GALNTL5: variants seen among roughly 807,000 people sequenced by gnomAD.
The protein encoded by GALNTL5 is polypeptide N-acetylgalactosaminyltransferase like 5.
GALNTL5 carries 44 observed loss-of-function variants against 51.0 expected under a neutral mutation model. That is an observed-to-expected ratio of 0.86 (90% CI 0.68 to 1.11). The LOEUF (loss-of-function observed/expected upper bound fraction) is 1.11, where lower values mean the gene tolerates loss of function less well. Among genes scored for constraint, GALNTL5 ranks in the 50% least tolerant of loss-of-function variants. The pLI is 0.00. For missense variants in GALNTL5, 528 were observed against 531.8 expected (o/e 0.99, Z 0.07); for synonymous variants, 192 against 182.8 (o/e 1.05, Z -0.41).
chr7:151,987,317 C>T (rs758293910), intron 5 of GALNTL5, 36 bp downstream of exon 5: 17 of 1,525,330 alleles, frequency 1.1e-5, no homozygotes, highest in East Asian at 4.8e-5. Flanking sequence ...CCAGTGACGG[C>T]GTCACAGAGA....
chr7:151,993,029 G>A (rs1259166995), intron 5 of GALNTL5, among the ~76,000 whole-genome samples: 1 of 152,054 alleles, frequency 6.6e-6, no homozygotes, highest in African/African-American at 2.4e-5. Flanking sequence ...CCTGAGGTCG[G>A]GAGTTCGAGA....
chr7:151,978,892 T>A (rs1262685741), intron 3 of GALNTL5, among the ~76,000 whole-genome samples: 1 of 152,146 alleles, frequency 6.6e-6, no homozygotes, highest in Non-Finnish European at 1.5e-5. Context: ...ACTAATTATC[T>A]CTACAACAGC....
chr7:151,969,821 T>C (rs1329853018), intron 2 of GALNTL5, among the ~76,000 whole-genome samples: 7 of 152,220 alleles, frequency 4.6e-5, no homozygotes, highest in African/African-American at 1.7e-4. Context: ...TTTGTTTTGC[T>C]TTTGAGATGG....
intron 5 of GALNTL5, among the ~76,000 whole-genome samples, chr7:151,988,369 C>A (rs1265219416): frequency 6.6e-6 from 1 of 152,172 alleles, no homozygotes; most frequent in Non-Finnish European, 1.5e-5. Context: ...GTTGGCAGAA[C>A]GCTGAGCTGG....
chr7:151,957,532 G>A (rs1429194671), intron 1 of GALNTL5, among the ~76,000 whole-genome samples: 8 of 146,602 alleles, frequency 5.5e-5, no homozygotes, highest in African/African-American at 2.0e-4. Context: ...CTGGGCAGCA[G>A]AGCGAGACCC....
At chr7:152,008,698 T>C (rs2081685916) in intron 7 of GALNTL5, among the ~76,000 whole-genome samples, 1 of 152,016 alleles carries the variant, frequency 6.6e-6, no homozygotes, top group South Asian at 2.1e-4. Context: ...AGCCTCTATC[T>C]GATGGTCCCT....
At chr7:151,969,845 C>A (rs894254023) in intron 2 of GALNTL5, among the ~76,000 whole-genome samples, 1 of 152,276 alleles carries the variant, frequency 6.6e-6, no homozygotes, top group Non-Finnish European at 1.5e-5. Flanking sequence ...CTCGCTCTGT[C>A]GCCCAGGCTG....
intron 8 of GALNTL5, 30 bp downstream of exon 8, chr7:152,014,823 G>A (rs1013618067): frequency 4.4e-6 from 7 of 1,581,762 alleles, no homozygotes; most frequent in African/African-American, 2.7e-5. Flanking sequence ...CTTGGAAAAT[G>A]TATGCGAGGC....
intron 4 of GALNTL5, among the ~76,000 whole-genome samples, chr7:151,983,488 C>T (rs981073885): frequency 6.6e-6 from 1 of 152,142 alleles, no homozygotes; most frequent in African/African-American, 2.4e-5. Flanking sequence ...ATCTAATCTA[C>T]TCTGAAGGTA....
chr7:151,971,056 G>C lies in GALNTL5; in HGVS notation c.359G>C (p.Arg120Thr). The change falls in exon 3 of 9, where the codon AGG becomes ACG. Residue 120 changes from arginine (R) to threonine (T), a missense_variant. Transcript: ENST00000392800. ...ATCGAAAGAGAAGTGCCAGATACCA[G>C]GAGTAAAATGTATGTTGTCTCTCTC... The part of the protein sequence containing the change: ...LGIEREVPDT[R>T]SKMCLQKHYP... The C allele has an allele frequency of 6.2e-7, 1 of 1,608,534 alleles. No individual in the cohort carries two copies. The highest frequency in any genetic ancestry group is 8.5e-7 in the Non-Finnish European group (1 of 1,175,826).
chr7:151,979,106 CTTT>C (rs397888897), intron 3 of GALNTL5, among the ~76,000 whole-genome samples: 1 of 71,160 alleles, frequency 1.4e-5, no homozygotes. Flanking sequence ...TACTTTTACT[CTTT>C]TTTTTTTTTT....
intron 1 of GALNTL5, among the ~76,000 whole-genome samples, chr7:151,959,741 T>A (rs2080969438): frequency 6.6e-6 from 1 of 152,148 alleles, no homozygotes. Flanking sequence ...ACAGGCTAAG[T>A]TGTAATGTGA....
At chr7:152,011,290 G>A (rs566425029) in intron 7 of GALNTL5, among the ~76,000 whole-genome samples, 42 of 152,194 alleles carry the variant, frequency 2.8e-4, no homozygotes, top group Non-Finnish European at 3.7e-4. Flanking sequence ...ACTATTGCTC[G>A]TGGAAAGTGA....
intron 7 of GALNTL5, among the ~76,000 whole-genome samples, chr7:152,011,936 T>G (rs963603785): frequency 1.3e-5 from 2 of 152,242 alleles, no homozygotes; most frequent in African/African-American, 2.4e-5. Context: ...AAGCATTTAC[T>G]TTTTCTTTCA....
At chr7:151,994,755 AC>A (rs2081473691) in intron 5 of GALNTL5, among the ~76,000 whole-genome samples, 2 of 77,532 alleles carry the variant, frequency 2.6e-5, no homozygotes, top group African/African-American at 8.8e-5. Context: ...CATCACCCTT[AC>A]CCCCAATTTT....
intron 8 of GALNTL5, 115 bp downstream of exon 8, chr7:152,014,908 T>C: frequency 2.2e-6 from 2 of 925,220 alleles, no homozygotes; most frequent in Non-Finnish European, 3.2e-6. Context: ...GTCATTATCC[T>C]AAGCAAATTA....
At chr7:151,997,518 A>G (rs897516692) in intron 5 of GALNTL5, among the ~76,000 whole-genome samples, 3 of 152,258 alleles carry the variant, frequency 2.0e-5, no homozygotes, top group African/African-American at 7.2e-5. Context: ...GAGTGAAAAT[A>G]AAACCTCATT....
Position 152,002,884 on chromosome 7 carries a change from G to C in GALNTL5, c.829G>C (p.Asp277His). 1 of 1,614,000 alleles carries C rather than the reference G, an allele frequency of 6.2e-7. No homozygotes were observed. The highest frequency in any genetic ancestry group is 8.5e-7 in the Non-Finnish European group (1 of 1,179,918). ...KPSPLVRGTF[D>H]WNLQFKWDNV... Reference sequence around the variant, plus strand: ...CTCTCCTCTTGTAAGGGGAACTTTTGATTGGAACCTACAATTTAAATGGGA... The same window carrying C: ...CTCTCCTCTTGTAAGGGGAACTTTTCATTGGAACCTACAATTTAAATGGGA... The change falls in exon 6 of 9, where the codon GAT becomes CAT. Residue 277 changes from aspartate (D) to histidine (H), a missense_variant. Asp to His is a moderately conservative substitution (Grantham distance 81). Coordinates refer to ENST00000392800, the MANE Select transcript of GALNTL5 (RefSeq NM_145292.4).
At chr7:152,001,238 G>A (rs996569768) in intron 5 of GALNTL5, among the ~76,000 whole-genome samples, 4 of 150,516 alleles carry the variant, frequency 2.7e-5, no homozygotes, top group Admixed American at 2.0e-4. Context: ...TTTCTCGATT[G>A]TGTCTTTTAA....
Sources: gnomAD v4.1 joint callset for allele counts (sites outside exome capture counted in the v4.1 genomes callset) on GRCh38, gnomAD v4.1.1 for gene constraint, MANE v1.5 for transcripts, NCBI Gene and HGNC (gene_info 2026-07-23, HGNC 2026-07-21) for gene names.